MTAP: variants seen among roughly 807,000 people sequenced by gnomAD.
MTAP encodes the protein methylthioadenosine phosphorylase.
In MTAP, 33 loss-of-function variants were observed where a neutral mutation model predicts 33.6. That is an observed-to-expected ratio of 0.98 (90% CI 0.74 to 1.31). The LOEUF (loss-of-function observed/expected upper bound fraction) is 1.31, where lower values mean the gene tolerates loss of function less well. Ranked by LOEUF, MTAP falls within the 40% of genes most tolerant of loss-of-function variation. The pLI, the probability that MTAP is intolerant of heterozygous loss-of-function variation, is 0.00. For synonymous variants in MTAP, 148 were observed against 125.7 expected (o/e 1.18, Z -1.19); for missense variants, 367 against 360.0 (o/e 1.02, Z -0.16).
At position 21,859,334 on chromosome 9, in the gene MTAP, A is replaced by C. The variant is rs1825705467; in HGVS notation, c.722A>C (p.Lys241Thr). 6.2e-7 allele frequency: 1 copy of C among 1,613,554 alleles called. No individual in the cohort carries two copies. The highest frequency in any genetic ancestry group is 1.3e-5 in the African/African-American group (1 of 74,882). The change falls in exon 7 of 8, where the codon AAA becomes ACA. Residue 241 changes from lysine to threonine, a missense_variant. By Grantham distance (78) the Lys-to-Thr change is moderately conservative (BLOSUM62 -1). Transcript: ENST00000644715. ...VSVDRVLKTL[K>T]ENANKAKSLL... ...GTGGACCGGGTCTTAAAGACCCTGA[A>C]AGAAAACGCTAATAAAGCCAAAAGC...
chr9:21,918,305 C>T (rs1314782147), intron 1 of MTAP, among the ~76,000 whole-genome samples: 1 of 120,236 alleles, frequency 8.3e-6, no homozygotes, highest in Non-Finnish European at 1.6e-5. Context: ...AGCAGAGATC[C>T]CGCCACTGCA....
chr9:21,924,060 G>A (rs1818829309), intron 1 of MTAP, among the ~76,000 whole-genome samples: 1 of 152,274 alleles, frequency 6.6e-6, no homozygotes, highest in East Asian at 1.9e-4. Flanking sequence ...GATAAATAGG[G>A]GACCCCTGTT....
chr9:21,836,392 GT>G (rs975935498), intron 4 of MTAP, among the ~76,000 whole-genome samples: 2 of 152,132 alleles, frequency 1.3e-5, no homozygotes, highest in Admixed American at 6.6e-5. Context: ...AAAGGCGGGG[GT>G]TCCAAGGCAA....
chr9:21,900,720 T>C (rs1053636978), intron 1 of MTAP, among the ~76,000 whole-genome samples: 1 of 152,242 alleles, frequency 6.6e-6, no homozygotes, highest in Non-Finnish European at 1.5e-5. Flanking sequence ...TGCATGCTTA[T>C]GTTCATCACA....
At chr9:21,834,803 C>A (rs1356198085) in intron 4 of MTAP, among the ~76,000 whole-genome samples, 2 of 152,220 alleles carry the variant, frequency 1.3e-5, no homozygotes, top group African/African-American at 4.8e-5. Flanking sequence ...GTAATATATT[C>A]ATAGGTTCTA....
chr9:21,806,462 C>G (rs1199649558), intron 1 of MTAP, among the ~76,000 whole-genome samples: 1 of 152,060 alleles, frequency 6.6e-6, no homozygotes, highest in Non-Finnish European at 1.5e-5. Flanking sequence ...CTCCCAGATA[C>G]TGCTGGTTAG....
At chr9:21,839,934 A>C (rs2118346436) in intron 5 of MTAP, among the ~76,000 whole-genome samples, 1 of 152,388 alleles carries the variant, frequency 6.6e-6, no homozygotes, top group South Asian at 2.1e-4. Flanking sequence ...ATGGCAGATA[A>C]GAGACAGGGC....
In MTAP at chr9:21,865,624, A is replaced by C; in HGVS notation, c.*3610A>C. ...GCAAGAAGGACAGCAGTAAATGAAG[A>C]CCATGGAAGAAAAGAAGGAATGCCA... On this transcript the variant is annotated 3_prime_UTR_variant, in exon 8 of 8. Coordinates refer to ENST00000644715, the MANE Select transcript of MTAP (RefSeq NM_002451.4). 6 of 988,396 alleles carry C rather than the reference A, an allele frequency of 6.1e-6. No homozygotes were observed. The South Asian group carries it at 2.8e-4, about 46-fold the overall frequency. 61.2% of individuals were successfully genotyped at this position (988,396 alleles called of 1,614,324 possible).
rs144134738 is a variant in MTAP at position 21,909,437 on chromosome 9, A to G, written c.148-21571A>G. On this transcript the variant is annotated intron_variant, in intron 1 of 1. Coordinates refer to the MTAP transcript ENST00000577563. ...AATCTGTGTCATGGTGGGGTACTCT[A>G]TAATGGTTTTGCTGTTCAGTATAGA... is the stretch of plus-strand genomic sequence containing the variant. Among the ~76,000 whole-genome samples, 296 of 152,284 alleles carry G rather than the reference A, an allele frequency of 1.9e-3. 3 individuals carry two copies. Among genetic ancestry groups the G allele is most frequent in the African/African-American group, 6.8e-3 (281 of 41,588 alleles).
chr9:21,856,415 G>A (rs575802549), intron 6 of MTAP, among the ~76,000 whole-genome samples: 7 of 152,184 alleles, frequency 4.6e-5, no homozygotes, highest in South Asian at 4.2e-4. Context: ...TAAGAGATTC[G>A]CAAATTATTA....
At chr9:21,834,234 C>T (rs1029307872) in intron 4 of MTAP, among the ~76,000 whole-genome samples, 6 of 152,288 alleles carry the variant, frequency 3.9e-5, no homozygotes, top group Admixed American at 2.6e-4. Context: ...GGATTACTCC[C>T]GTTTAAGGAA....
At position 21,816,800 on chromosome 9, in the gene MTAP, T is replaced by C. The variant is rs551145511; in HGVS notation, c.179+28T>C. ...ATGGTATTTTAAGCTTTTTGGATGT[T>C]ACTACTAAAGGATAATTTAAATTTA... On this transcript the variant is annotated intron_variant, in intron 3 of 7. Transcript: ENST00000644715. The C allele has an allele frequency of 1.3e-5, 21 of 1,572,648 alleles. No individual in the cohort carries two copies. The East Asian group carries it at 4.5e-4, about 34-fold the overall frequency.
chr9:21,804,767 G>C (rs895726474), intron 1 of MTAP, among the ~76,000 whole-genome samples: 2 of 152,164 alleles, frequency 1.3e-5, no homozygotes, highest in African/African-American at 2.4e-5. Context: ...ACACAAACCC[G>C]TTTTGCGGGT....
chr9:21,931,479 A>G, downstream of MTAP: 1 of 287,824 alleles, frequency 3.5e-6, no homozygotes, highest in Non-Finnish European at 6.4e-6. Flanking sequence ...CAATCTCCCA[A>G]TAGATAGAAA....
chr9:21,917,461 C>G (rs114523157), intron 1 of MTAP, among the ~76,000 whole-genome samples: 1 of 152,106 alleles, frequency 6.6e-6, no homozygotes, highest in African/African-American at 2.4e-5. Flanking sequence ...AAGGGAGCAA[C>G]TGGTGAGGAA....
At chr9:21,896,981 A>G (rs1295506658) in intron 1 of MTAP, among the ~76,000 whole-genome samples, 2 of 152,232 alleles carry the variant, frequency 1.3e-5, no homozygotes, top group East Asian at 1.9e-4. Context: ...AAAATCCTCA[A>G]TAAAATACTG....
chr9:21,897,831 C>A (rs943921392), intron 1 of MTAP, among the ~76,000 whole-genome samples: 1 of 151,992 alleles, frequency 6.6e-6, no homozygotes, highest in African/African-American at 2.4e-5. Flanking sequence ...GATTCAATGC[C>A]ATCCCCATCA....
intron 1 of MTAP, among the ~76,000 whole-genome samples, chr9:21,813,036 C>T (rs1234008726): frequency 6.6e-6 from 1 of 152,230 alleles, no homozygotes; most frequent in Non-Finnish European, 1.5e-5. Flanking sequence ...AGTCCACAGA[C>T]ACAGTTACTT....
intron 1 of MTAP, among the ~76,000 whole-genome samples, chr9:21,811,323 G>T (rs1824341103): frequency 6.6e-6 from 1 of 152,316 alleles, no homozygotes; most frequent in East Asian, 1.9e-4. Context: ...CAGAGTAGGG[G>T]TTACTATGCA....
Sources: allele counts gnomAD v4.1 joint callset (sites outside exome capture counted in the v4.1 genomes callset), GRCh38; gene constraint gnomAD v4.1.1; transcripts MANE v1.5; gene names NCBI Gene and HGNC (gene_info 2026-07-23, HGNC 2026-07-21).